Variants in MTUS2 observed in about 807,000 individuals in gnomAD.
MTUS2 encodes the protein microtubule-associated tumor suppressor candidate 2.
A neutral mutation model predicts 114.1 loss-of-function variants in MTUS2; 40 were observed. The ratio of observed to expected loss-of-function variants is 0.35; its 90% CI spans 0.27 to 0.46. The LOEUF (loss-of-function observed/expected upper bound fraction) is 0.46, where lower values mean the gene tolerates loss of function less well. Ranked by LOEUF, MTUS2 falls within the 20% of genes least tolerant of loss-of-function variation. The pLI, the probability that MTUS2 is intolerant of heterozygous loss-of-function variation, is 1.00. For missense variants in MTUS2, 1,679 were observed against 1,705.4 expected (o/e 0.98, Z 0.27); for synonymous variants, 688 against 672.0 (o/e 1.02, Z -0.37).
At chr13:29,029,520 T>C (rs1330873701) in intron 3 of MTUS2, among the ~76,000 whole-genome samples, 3 of 152,204 alleles carry the variant, frequency 2.0e-5, no homozygotes, top group Non-Finnish European at 2.9e-5. Flanking sequence ...TTTGCTCTTC[T>C]ATAAGGCAGG....
At chr13:29,036,112 C>T (rs557199752) in intron 4 of MTUS2, among the ~76,000 whole-genome samples, 78 of 148,596 alleles carry the variant, frequency 5.2e-4, no homozygotes, top group African/African-American at 1.9e-3. Flanking sequence ...CCACTGCACT[C>T]CAGCCTGGGC....
intron 5 of MTUS2, among the ~76,000 whole-genome samples, chr13:29,139,838 T>C (rs1892142535): frequency 6.6e-6 from 1 of 152,260 alleles, no homozygotes; most frequent in Non-Finnish European, 1.5e-5. Flanking sequence ...ATTCTGGGTC[T>C]CTGAGACAGC....
chr13:29,249,213 A>G (rs538718968), intron 5 of MTUS2, among the ~76,000 whole-genome samples: 14 of 151,934 alleles, frequency 9.2e-5, no homozygotes, highest in African/African-American at 2.9e-4. Context: ...CTGGTCTCAA[A>G]CTCCTGACCT....
chr13:29,383,105 T>G (rs927303517), intron 8 of MTUS2, among the ~76,000 whole-genome samples: 2 of 152,194 alleles, frequency 1.3e-5, no homozygotes, highest in East Asian at 3.9e-4. Flanking sequence ...TATTTAATGA[T>G]GGATATATAT....
rs572053714 is a variant in MTUS2, at chr13:29,219,309, T to A, written c.2645-62395T>A. Among the ~76,000 whole-genome samples, 3 of 149,470 alleles carry A rather than the reference T, an allele frequency of 2.0e-5. No homozygotes were observed. The East Asian group carries it at 5.9e-4, about 29-fold the overall frequency. ...CCTACAAAGGACATGAACTCATCAT[T>A]TTTTATGGCTGCATAGTATTCCATG... On this transcript the variant is annotated intron_variant, in intron 5 of 15. Coordinates refer to ENST00000612955, the MANE Select transcript of MTUS2 (RefSeq NM_001033602.4).
chr13:28,983,093 A>G (rs1484422746), intron 2 of MTUS2, among the ~76,000 whole-genome samples: 3 of 152,188 alleles, frequency 2.0e-5, no homozygotes, highest in East Asian at 3.9e-4. Context: ...GTGTGAGCTA[A>G]AGCCAGCAGG....
chr13:29,042,042 C>A (rs1424618870), intron 4 of MTUS2, among the ~76,000 whole-genome samples: 1 of 152,092 alleles, frequency 6.6e-6, no homozygotes, highest in Non-Finnish European at 1.5e-5. Flanking sequence ...TTGACTTGTT[C>A]CAGTTCTCAG....
Position 29,026,879 on chromosome 13 carries a change from A to G in MTUS2, c.2181A>G (p.Gln727=), listed in dbSNP as rs185213186. The G allele has an allele frequency of 3.8e-6, 6 of 1,596,902 alleles. No homozygotes were observed. The African/African-American group carries it at 6.7e-5, about 18-fold the overall frequency. Residue 727 remains glutamine, a synonymous_variant, in exon 3 of 16, where the codon CAA becomes CAG. Coordinates refer to ENST00000612955, the MANE Select transcript of MTUS2 (RefSeq NM_001033602.4). ...GIKPPGHPFS[Q]MSEKFLQEVT... Reference sequence around the variant, plus strand: ...AGCCCCCGGGACATCCTTTCAGTCAAATGAGTGAAAAGTTTTTGCAGGAGG... The same window carrying G: ...AGCCCCCGGGACATCCTTTCAGTCAGATGAGTGAAAAGTTTTTGCAGGAGG...
At chr13:29,128,181 T>C (rs1241820161) in intron 5 of MTUS2, among the ~76,000 whole-genome samples, 2 of 152,180 alleles carry the variant, frequency 1.3e-5, no homozygotes, top group African/African-American at 4.8e-5. Context: ...CATGACACAT[T>C]GCAGCAGCGA....
At chr13:29,307,707 C>T in intron 6 of MTUS2, 2 of 1,130,302 alleles carry the variant, frequency 1.8e-6, no homozygotes, top group Non-Finnish European at 2.7e-6. Flanking sequence ...TTTTCAAGCT[C>T]ATTTCCTGGT....
At chr13:29,417,901 A>G (rs1389475480) in intron 8 of MTUS2, among the ~76,000 whole-genome samples, 3 of 152,068 alleles carry the variant, frequency 2.0e-5, no homozygotes, top group African/African-American at 4.8e-5. Context: ...TTTTTGCAGT[A>G]TTGGTTTGCT....
chr13:29,163,646 C>T (rs947657486), intron 5 of MTUS2, among the ~76,000 whole-genome samples: 3 of 152,016 alleles, frequency 2.0e-5, no homozygotes, highest in African/African-American at 7.3e-5. Flanking sequence ...TAAGAGGACC[C>T]CCTACAGTTT....
intron 1 of MTUS2, among the ~76,000 whole-genome samples, chr13:28,830,049 C>T (rs576284849): frequency 6.6e-6 from 1 of 152,294 alleles, no homozygotes; most frequent in Admixed American, 6.5e-5. Context: ...AGACAGAAAT[C>T]TCTGTACCGT....
At chr13:29,448,869 T>C (rs757084254) in intron 9 of MTUS2, among the ~76,000 whole-genome samples, 28 of 149,540 alleles carry the variant, frequency 1.9e-4, no homozygotes, top group Admixed American at 2.7e-4. Context: ...TTCTCCTGCC[T>C]CAGGTTCCCT....
At chr13:29,035,048 A>G (rs530258350) in intron 4 of MTUS2, among the ~76,000 whole-genome samples, 4 of 152,322 alleles carry the variant, frequency 2.6e-5, no homozygotes, top group African/African-American at 9.6e-5. Context: ...TACCACCGTG[A>G]TACAGACAGG....
Position 29,026,899 on chromosome 13 carries a change from A to C in MTUS2, c.2201A>C (p.Gln734Pro), listed in dbSNP as rs1156623534. The C allele has an allele frequency of 6.3e-7, 1 of 1,585,250 alleles. No individual in the cohort carries two copies. The stretch of plus-strand genomic sequence containing the variant: ...AGTCAAATGAGTGAAAAGTTTTTGC[A>C]GGAGGTAAGAGAATGTCATTATGAT... ...PFSQMSEKFL[Q>P]EVTDHPGKEE... is the part of the protein sequence containing the mutation. Residue 734 changes from glutamine (Q) to proline (P), a missense_variant, in exon 3 of 16, where the codon CAG (glutamine) becomes CCG (proline). By Grantham distance (76) the Gln-to-Pro change is moderately conservative (BLOSUM62 -1). Coordinates refer to ENST00000612955, the MANE Select transcript of MTUS2 (RefSeq NM_001033602.4).
At chr13:29,196,844 C>T (rs1452801705) in intron 5 of MTUS2, among the ~76,000 whole-genome samples, 5 of 152,134 alleles carry the variant, frequency 3.3e-5, no homozygotes, top group Admixed American at 2.0e-4. Context: ...TTTGCTTATC[C>T]TTTCATCTGT....
chr13:29,031,261 TGTGTGTGTG>T (rs1886805462), intron 3 of MTUS2, among the ~76,000 whole-genome samples: 1 of 149,236 alleles, frequency 6.7e-6, no homozygotes, highest in Non-Finnish European at 1.5e-5. Flanking sequence ...TGTGTGTGTG[TGTGTGTGTG>T]GTGTGTGTTC....
rs1886435981 is a variant in MTUS2 at position 29,024,788 on chromosome 13, A to C, written c.90A>C (p.Leu30Phe). ...CAAGAAATAATAATGAAAGCATCTT[A>C]AGTCTGGGAGATACGAATGCCAATC... ...NAARNNNESILSLGDTNANQI... is the reference protein window; with the variant it reads ...NAARNNNESIFSLGDTNANQI... Residue 30 changes from leucine (L) to phenylalanine (F), a missense_variant, in exon 3 of 16, where the codon TTA (leucine) becomes TTC (phenylalanine). Coordinates refer to ENST00000612955, the MANE Select transcript of MTUS2 (RefSeq NM_001033602.4). 1.9e-6 allele frequency: 3 copies of C among 1,614,042 alleles called. No individual in the cohort carries two copies. Among genetic ancestry groups the C allele is most frequent in the South Asian group, 1.1e-5 (1 of 91,082 alleles).
Sources: gnomAD v4.1 joint callset for allele counts (sites outside exome capture counted in the v4.1 genomes callset) on GRCh38, gnomAD v4.1.1 for gene constraint, MANE v1.5 for transcripts, NCBI Gene and HGNC (gene_info 2026-07-23, HGNC 2026-07-21) for gene names.